Variants in ASIC2 observed in about 807,000 individuals in gnomAD.
ASIC2 encodes the protein acid sensing ion channel subunit 2.
Under a neutral mutation model 57.3 loss-of-function variants are expected in ASIC2, and 25 were observed. That is an observed-to-expected ratio of 0.44 (90% confidence interval 0.32 to 0.61). ASIC2 has a LOEUF of 0.61. ASIC2 is among the 20% of genes least tolerant of loss of function. The probability of loss-of-function intolerance (pLI) is 0.06; values close to 1 mark genes in which losing one functional copy is unlikely to be tolerated. For missense variants in ASIC2, 641 were observed against 738.1 expected (o/e 0.87, Z 1.52); for synonymous variants, 319 against 307.5 (o/e 1.04, Z -0.39).
intron 1 of ASIC2, among the ~76,000 whole-genome samples, chr17:33,569,983 C>T (rs1916378825): frequency 6.6e-6 from 1 of 152,066 alleles, no homozygotes; most frequent in Non-Finnish European, 1.5e-5. Flanking sequence ...TTCTCCCGCC[C>T]TCTTTCTCCT....
chr17:33,245,151 G>A (rs1908647483), intron 1 of ASIC2, among the ~76,000 whole-genome samples: 1 of 152,156 alleles, frequency 6.6e-6, no homozygotes, highest in African/African-American at 2.4e-5. Context: ...TGGCTCCTGG[G>A]ACTGCTCATC....
At chr17:33,692,540 G>A (rs998190646) in intron 1 of ASIC2, 2 of 152,112 alleles carry the variant, frequency 1.3e-5, no homozygotes, top group African/African-American at 4.8e-5. Flanking sequence ...TGTATCTAAA[G>A]CTATCTAAAC....
intron 3 of ASIC2, among the ~76,000 whole-genome samples, chr17:33,029,678 G>A (rs1426052772): frequency 1.3e-5 from 2 of 152,320 alleles, no homozygotes; most frequent in East Asian, 1.9e-4. Context: ...TGTAAGATAG[G>A]TATAGGCACA....
chr17:33,458,370 T>C (rs1420900896), intron 1 of ASIC2, among the ~76,000 whole-genome samples: 2 of 152,218 alleles, frequency 1.3e-5, no homozygotes, highest in Non-Finnish European at 2.9e-5. Flanking sequence ...TCAAGTAATT[T>C]ATTCCAGGAT....
At chr17:33,155,150 A>C (rs1205547652) in intron 1 of ASIC2, among the ~76,000 whole-genome samples, 1 of 152,238 alleles carries the variant, frequency 6.6e-6, no homozygotes, top group Non-Finnish European at 1.5e-5. Context: ...TGCTGTAAGG[A>C]GCCTGTAACG....
At chr17:33,983,775 C>A (rs62058162) in intron 1 of ASIC2, among the ~76,000 whole-genome samples, 21,184 of 152,194 alleles carry the variant, frequency 0.14, 1,854 homozygotes, top group East Asian at 0.35. Flanking sequence ...GTCATTTGTA[C>A]AAGTCTGGAG....
At chr17:34,037,822 T>C (rs1907950474) in intron 1 of ASIC2, 13 of 1,614,066 alleles carry the variant, frequency 8.1e-6, no homozygotes, top group Non-Finnish European at 1.1e-5. Flanking sequence ...CTACCGGCTT[T>C]GGCGGGAACT....
intron 1 of ASIC2, among the ~76,000 whole-genome samples, chr17:33,538,630 C>G (rs1915312817): frequency 6.6e-6 from 1 of 152,218 alleles, no homozygotes; most frequent in Non-Finnish European, 1.5e-5. Flanking sequence ...CATGTAGGAG[C>G]TGCTTTTCCA....
chr17:33,973,386 C>T (rs993042651), intron 1 of ASIC2, among the ~76,000 whole-genome samples: 3 of 152,244 alleles, frequency 2.0e-5, no homozygotes, highest in Non-Finnish European at 2.9e-5. Flanking sequence ...TTGTTGGGGG[C>T]GGGTGGAGAG....
In ASIC2 at chr17:33,400,808, T is replaced by TCCCTGCCAC. The variant is rs926599439; in HGVS notation, c.556-288750_556-288742dup. The stretch of plus-strand genomic sequence containing the variant: ...CTTTCTGGTTCCTACCTGCCCCCTA[T>TCCCTGCCAC]CCCTGCCACCCCTGCCACCCCTGCC... On this transcript the variant is annotated intron_variant, in intron 1 of 9. Coordinates refer to the ASIC2 transcript ENST00000359872. Among the ~76,000 whole-genome samples the TCCCTGCCAC allele has an allele frequency of 2.0e-5, 3 of 152,202 alleles. No homozygotes were observed. The East Asian group carries it at 5.8e-4, about 29-fold the overall frequency.
At chr17:34,106,587 T>C (rs1911066715) in intron 1 of ASIC2, among the ~76,000 whole-genome samples, 1 of 152,160 alleles carries the variant, frequency 6.6e-6, no homozygotes, top group Non-Finnish European at 1.5e-5. Flanking sequence ...AATAAATGTG[T>C]CTACCTACCT....
intron 1 of ASIC2, among the ~76,000 whole-genome samples, chr17:33,971,009 C>T (rs747995893): frequency 3.3e-5 from 5 of 152,122 alleles, no homozygotes; most frequent in South Asian, 2.1e-4. Context: ...CAAACTTGGG[C>T]GTAACAGGGT....
chr17:33,960,448 C>CT (rs768685879), intron 1 of ASIC2, among the ~76,000 whole-genome samples: 7 of 152,144 alleles, frequency 4.6e-5, no homozygotes, highest in Non-Finnish European at 8.8e-5. Context: ...AGTTCCATGC[C>CT]TAAATGCTTG....
At chr17:33,194,169 C>CT (rs1906536904) in intron 1 of ASIC2, among the ~76,000 whole-genome samples, 1 of 152,212 alleles carries the variant, frequency 6.6e-6, no homozygotes, top group Non-Finnish European at 1.5e-5. Flanking sequence ...AGCCTCCTGA[C>CT]TTTTTGCTCA....
At chr17:33,845,010 T>C (rs187382972) in intron 1 of ASIC2, among the ~76,000 whole-genome samples, 1 of 152,354 alleles carries the variant, frequency 6.6e-6, no homozygotes, top group Admixed American at 6.5e-5. Flanking sequence ...ACCACATACT[T>C]TGACTCCAAA....
intron 1 of ASIC2, among the ~76,000 whole-genome samples, chr17:33,478,644 T>G (rs1265696796): frequency 1.3e-5 from 2 of 152,192 alleles, no homozygotes; most frequent in Non-Finnish European, 2.9e-5. Context: ...GGAGCCGTTT[T>G]ACTGGAGACC....
At chr17:33,758,917 CAAAAAA>C (rs56232795) in intron 1 of ASIC2, among the ~76,000 whole-genome samples, 3 of 141,852 alleles carry the variant, frequency 2.1e-5, no homozygotes. Context: ...AAGCTAATAC[CAAAAAA>C]AAAAAAAAAA....
intron 3 of ASIC2, among the ~76,000 whole-genome samples, chr17:33,080,150 T>G (rs2092107446): frequency 6.6e-6 from 1 of 151,842 alleles, no homozygotes; most frequent in Non-Finnish European, 1.5e-5. Context: ...GGAGTACCAC[T>G]AGGTAAGGGG....
At chr17:33,770,862 G>A (rs371604890) in intron 1 of ASIC2, among the ~76,000 whole-genome samples, 1 of 152,168 alleles carries the variant, frequency 6.6e-6, no homozygotes, top group East Asian at 1.9e-4. Flanking sequence ...TGAGGTCTCT[G>A]ACAAGGCTCT....
Sources: gnomAD v4.1 joint callset for allele counts (sites outside exome capture counted in the v4.1 genomes callset) on GRCh38, gnomAD v4.1.1 for gene constraint, MANE v1.5 for transcripts, NCBI Gene and HGNC (gene_info 2026-07-23, HGNC 2026-07-21) for gene names.